ACSM2B: variants seen among roughly 807,000 people sequenced by gnomAD.
ACSM2B encodes acyl-CoA synthetase medium chain family member 2B, also known as acyl-coenzyme A synthetase ACSM2B, mitochondrial.
Under a neutral mutation model 78.6 loss-of-function variants are expected in ACSM2B, and 58 were observed. The ratio of observed to expected loss-of-function variants is 0.74; its 90% confidence interval spans 0.60 to 0.92. The LOEUF (loss-of-function observed/expected upper bound fraction) is 0.92. Ranked by LOEUF, ACSM2B falls within the 40% of genes least tolerant of loss-of-function variation. The pLI is 0.00. For missense variants in ACSM2B, 688 were observed against 711.2 expected (o/e 0.97, Z 0.37); for synonymous variants, 257 against 256.8 (o/e 1.00, Z -0.01).
intron 3 of ACSM2B, among the ~76,000 whole-genome samples, chr16:20,556,155 T>G (rs2015466485): frequency 6.6e-6 from 1 of 152,092 alleles, no homozygotes; most frequent in Non-Finnish European, 1.5e-5. Context: ...AGTACTGAAT[T>G]ATTAGCTGTG....
chr16:20,569,383 G>C (rs558309392), intron 1 of ACSM2B, among the ~76,000 whole-genome samples: 260 of 151,902 alleles, frequency 1.7e-3, no homozygotes, highest in Non-Finnish European at 3.3e-3. Context: ...TAAATATTTG[G>C]GTTTATTTCT....
rs553845040 is a variant in ACSM2B, at chr16:20,541,542, A to C, written c.1510-769T>G. On this transcript the variant is annotated intron_variant, in intron 12 of 13. Transcript: ENST00000329697. ...CTCCTCTGTGCTTCTGGTCAGGAAT[A>C]AGACTCTGATTCAAATATCAAACAG... 1.4e-3 allele frequency among the ~76,000 whole-genome samples: 213 copies of C among 151,740 alleles called. 1 individual carries two copies. Among genetic ancestry groups the C allele is most frequent in the African/African-American group, 4.7e-3 (191 of 41,070 alleles).
At chr16:20,560,437 T>C (rs1322097911) in intron 2 of ACSM2B, among the ~76,000 whole-genome samples, 1 of 152,032 alleles carries the variant, frequency 6.6e-6, no homozygotes. Context: ...TCTCACTCTC[T>C]GTTTTGCTCC....
intron 4 of ACSM2B, 112 bp from the exon 5 acceptor site, chr16:20,554,032 C>T: frequency 7.7e-7 from 1 of 1,306,914 alleles, no homozygotes. Flanking sequence ...TTGATGGACC[C>T]ACCTCACAAG....
chr16:20,565,298 G>A (rs2015791699), intron 1 of ACSM2B, among the ~76,000 whole-genome samples: 1 of 152,148 alleles, frequency 6.6e-6, no homozygotes, highest in Non-Finnish European at 1.5e-5. Context: ...CAAGAGATAT[G>A]CTTTGGTCAA....
intron 8 of ACSM2B, chr16:20,547,658 T>G (rs1269955061): frequency 9.5e-7 from 1 of 1,049,794 alleles, no homozygotes; most frequent in Admixed American, 5.0e-5. Flanking sequence ...CTAAGCAGCT[T>G]TGTACAGTGC....
chr16:20,554,034 C>T (rs1385121844), intron 4 of ACSM2B, 114 bp from the exon 5 acceptor site: 4 of 1,289,232 alleles, frequency 3.1e-6, no homozygotes, highest in Admixed American at 2.0e-5. Context: ...GATGGACCCA[C>T]CTCACAAGAG....
Position 20,542,935 on chromosome 16 carries a change from G to T in ACSM2B, c.1488C>A (p.Ser496Arg). The T allele has an allele frequency of 6.2e-7, 1 of 1,613,694 alleles. No individual in the cohort carries two copies. The highest frequency in any genetic ancestry group is 8.5e-7 in the Non-Finnish European group (1 of 1,179,844). ...PAVVETAVIS[S>R]PDPVRGEVVK... ...TCACCTCTCCTCGGACGGGGTCTGG[G>T]CTGCTGATCACAGCCGTCTCAACCA... is the stretch of plus-strand genomic sequence containing the variant. The change falls in exon 12 of 14, where the codon AGC (serine) becomes AGA (arginine). Residue 496 changes from serine (S) to arginine (R), a missense_variant. Transcript: ENST00000329697.
At chr16:20,543,437 T>C (rs1244006591) in intron 10 of ACSM2B, among the ~76,000 whole-genome samples, 175 bp from the exon 11 acceptor site, 1 of 152,214 alleles carries the variant, frequency 6.6e-6, no homozygotes. Flanking sequence ...CAGAACTGGA[T>C]TTTTCCCATT....
At chr16:20,575,710 C>A (rs2016230498) in intron 1 of ACSM2B, 1 of 146,866 alleles carries the variant, frequency 6.8e-6, no homozygotes, top group African/African-American at 2.4e-5. Flanking sequence ...CCCTCACAGA[C>A]ACACCCAGGA....
chr16:20,556,373 G>C (rs2015475111), intron 3 of ACSM2B, among the ~76,000 whole-genome samples: 1 of 152,166 alleles, frequency 6.6e-6, no homozygotes, highest in South Asian at 2.1e-4. Flanking sequence ...AGGCCAAGGA[G>C]GGCAGACTAT....
At chr16:20,547,167 T>C (rs1567207677) in intron 8 of ACSM2B, 17 of 1,012,154 alleles carry the variant, frequency 1.7e-5, no homozygotes, top group Non-Finnish European at 2.0e-5. Flanking sequence ...GGCAAGTTGA[T>C]TGACCCACCT....
intron 1 of ACSM2B, among the ~76,000 whole-genome samples, chr16:20,566,212 C>G (rs7185177): frequency 0.42 from 54,480 of 129,306 alleles, 14,906 homozygotes; most frequent in East Asian, 0.87. Flanking sequence ...AGCTCATGCT[C>G]TCTCTCTCCC....
chr16:20,550,356 T>C (rs1207036343), intron 6 of ACSM2B, among the ~76,000 whole-genome samples: 1 of 152,194 alleles, frequency 6.6e-6, no homozygotes, highest in Non-Finnish European at 1.5e-5. Flanking sequence ...TCCTTATTGC[T>C]TTGACTTACT....
chr16:20,564,339 C>A (rs1193350805), intron 2 of ACSM2B, among the ~76,000 whole-genome samples: 1 of 151,822 alleles, frequency 6.6e-6, no homozygotes, highest in Non-Finnish European at 1.5e-5. Flanking sequence ...AGATTCAAAC[C>A]CGCCTCTTCT....
intron 9 of ACSM2B, among the ~76,000 whole-genome samples, chr16:20,546,052 C>T (rs1164160334): frequency 6.6e-6 from 1 of 152,090 alleles, no homozygotes; most frequent in Non-Finnish European, 1.5e-5. Flanking sequence ...CTGAAAAGAT[C>T]GTTACCTATA....
rs745409570 is a variant in ACSM2B, at chr16:20,552,228, C to G, written c.810G>C (p.Leu270Phe). 1 of 1,613,796 alleles carries G rather than the reference C, an allele frequency of 6.2e-7. No homozygotes were observed. The highest frequency in any genetic ancestry group is 8.5e-7 in the Non-Finnish European group (1 of 1,179,812). Residue 270 changes from leucine to phenylalanine, a missense_variant, in exon 6 of 14, where the codon TTG becomes TTC. Physicochemically the swap from Leu to Phe is conservative, Grantham distance 22. Transcript: ENST00000329697. Reference protein sequence around the residue: ...ISDTGWILNILGSLLESWTLG... With the variant: ...ISDTGWILNIFGSLLESWTLG... ...ATGTCCAAGATTCCAAAAGTGAGCC[C>G]AAGATGTTCAGTATCCAACCTGTGT... is the stretch of plus-strand genomic sequence containing the variant.
At chr16:20,556,843 C>T (rs2015489099) in intron 3 of ACSM2B, among the ~76,000 whole-genome samples, 1 of 152,066 alleles carries the variant, frequency 6.6e-6, no homozygotes, top group Non-Finnish European at 1.5e-5. Flanking sequence ...TTCTCCTTTC[C>T]TTCTGGCTAT....
chr16:20,567,751 T>C (rs2015969018), intron 1 of ACSM2B, among the ~76,000 whole-genome samples: 3 of 140,022 alleles, frequency 2.1e-5, no homozygotes, highest in South Asian at 2.1e-4. Flanking sequence ...ATATATATAA[T>C]AGTATAGTGT....
Sources: allele counts gnomAD v4.1 joint callset (sites outside exome capture counted in the v4.1 genomes callset), GRCh38; gene constraint gnomAD v4.1.1; transcripts MANE v1.5; gene names NCBI Gene and HGNC (gene_info 2026-07-23, HGNC 2026-07-21).